HPF1: variants seen among roughly 807,000 people sequenced by gnomAD.
HPF1 encodes histone PARylation factor 1.
A neutral mutation model predicts 38.8 loss-of-function variants in HPF1; 35 were observed. The ratio of observed to expected loss-of-function variants is 0.90; its 90% confidence interval spans 0.69 to 1.19. The LOEUF is 1.19. Ranked by LOEUF, HPF1 falls within the 50% of genes most tolerant of loss-of-function variation. The probability of loss-of-function intolerance (pLI) is 0.00; values close to 1 mark genes in which losing one functional copy is unlikely to be tolerated. For missense variants in HPF1, 367 were observed against 405.8 expected (o/e 0.90, Z 0.82); for synonymous variants, 115 against 139.2 (o/e 0.83, Z 1.22).
At chr4:169,739,198 T>C (rs1468264119) in intron 5 of HPF1, among the ~76,000 whole-genome samples, 2 of 152,128 alleles carry the variant, frequency 1.3e-5, no homozygotes, top group Admixed American at 6.5e-5. Context: ...AATTTTGTGA[T>C]AGAGAAGAGT....
At chr4:169,749,442 G>A (rs1365656044) in intron 3 of HPF1, among the ~76,000 whole-genome samples, 4 of 151,958 alleles carry the variant, frequency 2.6e-5, no homozygotes, top group African/African-American at 4.8e-5. Context: ...ACATTGTAGT[G>A]GTAGGAATAC....
intron 1 of HPF1, among the ~76,000 whole-genome samples, chr4:169,757,439 G>T (rs1734202399): frequency 6.6e-6 from 1 of 152,098 alleles, no homozygotes; most frequent in Non-Finnish European, 1.5e-5. Flanking sequence ...ATGCATATTT[G>T]CTTGTGCCCC....
At position 169,731,705 on chromosome 4, in the gene HPF1, T is replaced by C. The variant is rs747169274; in HGVS notation, c.908A>G (p.His303Arg). The stretch of plus-strand genomic sequence containing the variant: ...AAGGTGGAGGGTTTTTTTACTCACA[T>C]GTGAGCCATAGCAAAAGAGATCCAT... ...LGMDLFCYGSHYFHKVAGQLL... is the reference protein window; with the variant it reads ...LGMDLFCYGSRYFHKVAGQLL... Residue 303 changes from histidine to arginine, a missense_variant and splice_region_variant, in exon 7 of 8, where the codon CAT becomes CGT. Transcript: ENST00000393381. 3.3e-6 allele frequency: 5 copies of C among 1,537,264 alleles called. No homozygotes were observed. The highest frequency in any genetic ancestry group is 4.4e-6 in the Non-Finnish European group (5 of 1,148,916).
Position 169,748,820 on chromosome 4 carries a change from C to G in HPF1, c.421G>C (p.Val141Leu). The change falls in exon 4 of 8, where the codon GTA becomes CTA. Residue 141 changes from valine to leucine, a missense_variant. Physicochemically the swap from Val to Leu is conservative, Grantham distance 32 (BLOSUM62 1). Coordinates refer to ENST00000393381, the MANE Select transcript of HPF1 (RefSeq NM_017867.3). ...YFRDSPDEFPVYVGINEAKKN... is the reference protein window; with the variant it reads ...YFRDSPDEFPLYVGINEAKKN... ...TTTGCTTCATTTATACCAACATATA[C>G]AGGAAATTCATCAGGAGAATCCCTG... 1 of 1,502,892 alleles carries G rather than the reference C, an allele frequency of 6.7e-7. No homozygotes were observed. Among genetic ancestry groups the G allele is most frequent in the Non-Finnish European group, 9.0e-7 (1 of 1,109,296 alleles). The allele number at this position is 1,502,892 out of a possible 1,614,324, so 93.1% of individuals were successfully genotyped here. A position where few individuals can be genotyped will look rare whatever the true frequency, so the allele number is the denominator to read the frequency against.
Position 169,753,720 on chromosome 4 carries a change from T to TGATAGAAA in HPF1, c.156_163dup (p.His55LeufsTer29). 1 of 1,612,652 alleles carries TGATAGAAA rather than the reference T, an allele frequency of 6.2e-7. No individual in the cohort carries two copies. The highest frequency in any genetic ancestry group is 1.3e-5 in the African/African-American group (1 of 75,012). On this transcript the variant is annotated frameshift_variant, in exon 2 of 8. Coordinates refer to ENST00000393381, the MANE Select transcript of HPF1 (RefSeq NM_017867.3). LOFTEE classifies it high-confidence loss of function. The stretch of plus-strand genomic sequence containing the variant: ...AAGTTCTTCACAGAACTTCCAGAAG[T>TGATAGAAA]GATAGAAATCTTCAGGTAAAGAAAG...
rs1366161719 is a variant in HPF1, at chr4:169,754,017, T to C, written c.49-182A>G. The stretch of plus-strand genomic sequence containing the variant: ...GCACAGGAAAAAAGAGTAGTTTATA[T>C]GGTGGTTAAGAGGAATCCACACAGC... On this transcript the variant is annotated intron_variant, in intron 1 of 7. Coordinates refer to ENST00000393381, the MANE Select transcript of HPF1 (RefSeq NM_017867.3). 3.3e-5 allele frequency among the ~76,000 whole-genome samples: 5 copies of C among 152,194 alleles called. 1 individual carries two copies. Among genetic ancestry groups the C allele is most frequent in the South Asian group, 2.1e-4 (1 of 4,838 alleles).
intron 5 of HPF1, among the ~76,000 whole-genome samples, chr4:169,741,744 G>T (rs1027938255): frequency 6.6e-6 from 1 of 152,120 alleles, no homozygotes; most frequent in East Asian, 1.9e-4. Flanking sequence ...CACCAGTTGC[G>T]CAATTCAATC....
At chr4:169,747,695 CA>C (rs1734066875) in intron 4 of HPF1, among the ~76,000 whole-genome samples, 1 of 152,308 alleles carries the variant, frequency 6.6e-6, no homozygotes, top group Middle Eastern at 3.4e-3. Flanking sequence ...CTGCATTTCC[CA>C]TACTACTCTT....
At chr4:169,740,373 T>A (rs1270280688) in intron 5 of HPF1, among the ~76,000 whole-genome samples, 1 of 152,178 alleles carries the variant, frequency 6.6e-6, no homozygotes, top group African/African-American at 2.4e-5. Flanking sequence ...ATGATATAAC[T>A]CATAAAGACT....
chr4:169,751,259 C>T (rs954043139), intron 2 of HPF1, among the ~76,000 whole-genome samples: 12 of 151,886 alleles, frequency 7.9e-5, no homozygotes, highest in African/African-American at 2.7e-4. Context: ...AAAAATTAGC[C>T]GGGTGTGGTG....
At chr4:169,746,390 GCTTT>G (rs574015807) in intron 4 of HPF1, among the ~76,000 whole-genome samples, 206 of 152,084 alleles carry the variant, frequency 1.4e-3, no homozygotes, top group African/African-American at 4.3e-3. Context: ...CTTAGAATAT[GCTTT>G]CTAAGTTAAC....
chr4:169,740,438 G>A (rs1041557738), intron 5 of HPF1, among the ~76,000 whole-genome samples: 6 of 152,146 alleles, frequency 3.9e-5, no homozygotes, highest in Non-Finnish European at 7.4e-5. Context: ...GATTTCTAGT[G>A]TGCTGCACAG....
At chr4:169,737,804 A>T (rs1396824463) in intron 5 of HPF1, 57 bp from the exon 6 acceptor site, 2 of 1,061,404 alleles carry the variant, frequency 1.9e-6, no homozygotes, top group Non-Finnish European at 1.4e-6. Context: ...AAAAAAAAAA[A>T]TCCCCAAATA....
intron 4 of HPF1, 67 bp from the exon 5 acceptor site, chr4:169,742,174 G>C: frequency 7.5e-7 from 1 of 1,325,860 alleles, no homozygotes; most frequent in East Asian, 2.3e-5. Flanking sequence ...ACCTTTCAAA[G>C]TTGAGCCAAG....
At chr4:169,745,449 A>T (rs1396076574) in intron 4 of HPF1, among the ~76,000 whole-genome samples, 1 of 152,190 alleles carries the variant, frequency 6.6e-6, no homozygotes, top group East Asian at 1.9e-4. Context: ...CTTTCTAGCC[A>T]GAAAACCAGA....
intron 5 of HPF1, among the ~76,000 whole-genome samples, chr4:169,738,079 G>C (rs1733921296): frequency 6.6e-6 from 1 of 152,130 alleles, no homozygotes; most frequent in Non-Finnish European, 1.5e-5. Flanking sequence ...TAAGGTCAAA[G>C]TACCTTCTGG....
intron 2 of HPF1, 21 bp downstream of exon 2, chr4:169,753,655 A>C (rs753778530): frequency 6.2e-7 from 1 of 1,600,886 alleles, no homozygotes; most frequent in Non-Finnish European, 8.5e-7. Context: ...TTAATACAAG[A>C]ATGATTCTGG....
At chr4:169,730,171 G>T (rs1206662818) in intron 7 of HPF1, among the ~76,000 whole-genome samples, 1 of 152,166 alleles carries the variant, frequency 6.6e-6, no homozygotes, top group African/African-American at 2.4e-5. Flanking sequence ...TCCCTGTTAA[G>T]AGTCACTGCC....
intron 1 of HPF1, among the ~76,000 whole-genome samples, chr4:169,754,323 G>C (rs894281029): frequency 2.0e-5 from 3 of 152,164 alleles, no homozygotes; most frequent in African/African-American, 7.2e-5. Flanking sequence ...CTTAAAAACA[G>C]ATACCTCCCT....
Sources: gnomAD v4.1 joint callset for allele counts (sites outside exome capture counted in the v4.1 genomes callset) on GRCh38, gnomAD v4.1.1 for gene constraint, MANE v1.5 for transcripts, NCBI Gene and HGNC (gene_info 2026-07-23, HGNC 2026-07-21) for gene names.